Variants in PTH2R observed in about 807,000 individuals in gnomAD.
PTH2R encodes parathyroid hormone 2 receptor, also known as PTH2 receptor.
PTH2R carries 59 observed loss-of-function variants against 60.3 expected under a neutral mutation model. The ratio of observed to expected loss-of-function variants is 0.98; its 90% CI spans 0.79 to 1.22. The LOEUF is 1.22. PTH2R is among the 50% of genes most tolerant of loss of function. PTH2R has a pLI of 0.00. For synonymous variants in PTH2R, 256 were observed against 243.8 expected, an observed-to-expected ratio of 1.05 and a Z score of -0.47; for missense variants, 749 against 682.6, an observed-to-expected ratio of 1.10 and a Z score of -1.08.
chr2:208,462,409 G>C (rs1209846915), intron 9 of PTH2R, among the ~76,000 whole-genome samples: 1 of 152,178 alleles, frequency 6.6e-6, no homozygotes, highest in African/African-American at 2.4e-5. Context: ...TCCTAGGAGA[G>C]AGATTTGGCC....
intron 4 of PTH2R, among the ~76,000 whole-genome samples, chr2:208,441,325 T>C (rs767585220): frequency 1.3e-4 from 20 of 152,052 alleles, no homozygotes; most frequent in South Asian, 6.2e-4. Flanking sequence ...TCCGGTGGAG[T>C]TGGGGTGCAC....
At chr2:208,365,637 TGTA>T (rs1289631491) in intron 1 of PTH2R, among the ~76,000 whole-genome samples, 2 of 151,912 alleles carry the variant, frequency 1.3e-5, no homozygotes, top group Non-Finnish European at 2.9e-5. Flanking sequence ...TATTTTTTCT[TGTA>T]GTATTTTTGC....
At chr2:208,400,146 T>A (rs1701281320) in intron 1 of PTH2R, among the ~76,000 whole-genome samples, 1 of 152,250 alleles carries the variant, frequency 6.6e-6, no homozygotes, top group South Asian at 2.1e-4. Flanking sequence ...AAAACACTTC[T>A]GTTTATACCT....
chr2:208,474,000 C>T (rs544375904), intron 9 of PTH2R, among the ~76,000 whole-genome samples: 1 of 152,004 alleles, frequency 6.6e-6, no homozygotes, highest in African/African-American at 2.4e-5. Flanking sequence ...AACTCATATC[C>T]AAGGTCATAC....
intron 7 of PTH2R, among the ~76,000 whole-genome samples, chr2:208,446,295 A>G (rs918205061): frequency 2.5e-4 from 38 of 152,318 alleles, no homozygotes; most frequent in African/African-American, 7.0e-4. Flanking sequence ...GAATCTCAGA[A>G]AACACAAATC....
At chr2:208,441,786 C>T (rs1574876113) in intron 4 of PTH2R, among the ~76,000 whole-genome samples, 1 of 152,130 alleles carries the variant, frequency 6.6e-6, no homozygotes, top group African/African-American at 2.4e-5. Flanking sequence ...TGACATAGAA[C>T]TATAAATATG....
chr2:208,451,315 A>C (rs1366330401), intron 8 of PTH2R, among the ~76,000 whole-genome samples: 1 of 152,178 alleles, frequency 6.6e-6, no homozygotes, highest in African/African-American at 2.4e-5. Context: ...ATAGAGATGG[A>C]GAGGCAAGTA....
chr2:208,433,154 C>A (rs1702006389), intron 2 of PTH2R, among the ~76,000 whole-genome samples: 1 of 152,142 alleles, frequency 6.6e-6, no homozygotes, highest in Admixed American at 6.5e-5. Context: ...TGGTAGTAAA[C>A]TTAGGTCACA....
intron 1 of PTH2R, among the ~76,000 whole-genome samples, chr2:208,410,105 T>C (rs1312774438): frequency 6.6e-6 from 1 of 152,174 alleles, no homozygotes; most frequent in African/African-American, 2.4e-5. Flanking sequence ...GAATTCCTAC[T>C]GTTGACCTTC....
At chr2:208,416,462 C>CA (rs1320054044) in intron 1 of PTH2R, among the ~76,000 whole-genome samples, 1 of 152,214 alleles carries the variant, frequency 6.6e-6, no homozygotes, top group Non-Finnish European at 1.5e-5. Flanking sequence ...ATAGAAGCCG[C>CA]ATACTTTGAC....
intron 9 of PTH2R, among the ~76,000 whole-genome samples, chr2:208,479,868 G>A (rs1044164829): frequency 6.6e-6 from 1 of 152,168 alleles, no homozygotes; most frequent in Non-Finnish European, 1.5e-5. Context: ...AAATAAAAGT[G>A]TCTCCTCCAT....
At position 208,362,254 on chromosome 2, in the gene PTH2R, CCTAGTTCT is replaced by C. The variant is rs146527377; in HGVS notation, c.-259+2022_-259+2029del. Among the ~76,000 whole-genome samples the C allele has an allele frequency of 9.8e-3, 1,499 of 152,306 alleles. 11 individuals are homozygous for C. Among genetic ancestry groups the C allele is most frequent in the Middle Eastern group, 0.014 (4 of 294 alleles). On this transcript the variant is annotated intron_variant, in intron 1 of 12. Coordinates refer to the PTH2R transcript ENST00000617735. Reference sequence around the variant, plus strand: ...TGAATTGAATTACAGCATGAACTTTCCTAGTTCTCTAGCTTGCATATGGCATATTGTGG... The same window carrying C: ...TGAATTGAATTACAGCATGAACTTTCCTAGCTTGCATATGGCATATTGTGG...
rs771868900 is a variant in PTH2R, at chr2:208,490,654, A to G, written c.1231A>G (p.Ile411Val). 1.2e-6 allele frequency: 2 copies of G among 1,610,686 alleles called. No individual in the cohort carries two copies. Among genetic ancestry groups the G allele is most frequent in the Admixed American group, 1.7e-5 (1 of 58,830 alleles). The stretch of plus-strand genomic sequence containing the variant: ...TTGTCTGCAGGGTTTCTTTGTGTCT[A>G]TCATCTACTGCTACTGCAATGGAGA... ...FNSFQGFFVS[I>V]IYCYCNGEVQ... The change falls in exon 12 of 13, where the codon ATC (isoleucine) becomes GTC (valine). Residue 411 changes from isoleucine to valine, a missense_variant. By Grantham distance (29) the Ile-to-Val change is conservative (BLOSUM62 3). Coordinates refer to ENST00000272847, the MANE Select transcript of PTH2R (RefSeq NM_005048.4).
In PTH2R at chr2:208,406,940, G is replaced by C. The variant is rs1430282698; in HGVS notation, c.-104G>C. 9.9e-7 allele frequency: 1 copy of C among 1,005,424 alleles called. No individual in the cohort carries two copies. The highest frequency in any genetic ancestry group is 1.7e-5 in the African/African-American group (1 of 60,214). The allele number at this position is 1,005,424 out of a possible 1,614,324, so 62.3% of individuals were successfully genotyped here. A position where few individuals can be genotyped will look rare whatever the true frequency, so the allele number is the denominator to read the frequency against. On this transcript the variant is annotated 5_prime_UTR_variant, in exon 1 of 13. Coordinates refer to ENST00000272847, the MANE Select transcript of PTH2R (RefSeq NM_005048.4). ...GGCCCGACCACCCCAGCTGCGCGTC[G>C]TTACTGGCCACAAGTTTGCTCTGGG...
chr2:208,448,046 C>G (rs4675767), intron 7 of PTH2R, among the ~76,000 whole-genome samples: 151,428 of 152,312 alleles, frequency 0.99, 75,283 homozygotes, highest in Middle Eastern at 1. Context: ...TCATATAAAA[C>G]CACCTATCCT....
intron 9 of PTH2R, among the ~76,000 whole-genome samples, chr2:208,477,739 A>G (rs1467520695): frequency 6.6e-6 from 1 of 151,766 alleles, no homozygotes; most frequent in Non-Finnish European, 1.5e-5. Context: ...ATTCTAAGCC[A>G]TCTCTCTTTT....
At chr2:208,455,219 AG>A (rs1206870204) in intron 8 of PTH2R, among the ~76,000 whole-genome samples, 2 of 152,226 alleles carry the variant, frequency 1.3e-5, no homozygotes, top group Non-Finnish European at 2.9e-5. Context: ...ATGGGAGGGA[AG>A]TTGCATCAGT....
chr2:208,378,499 A>G (rs1276519866), intron 1 of PTH2R, among the ~76,000 whole-genome samples: 1 of 152,086 alleles, frequency 6.6e-6, no homozygotes, highest in Non-Finnish European at 1.5e-5. Context: ...CTTAGCCCTC[A>G]GAGTGGTGGT....
intron 1 of PTH2R, among the ~76,000 whole-genome samples, chr2:208,427,405 T>C (rs1559216564): frequency 6.6e-6 from 1 of 152,168 alleles, no homozygotes; most frequent in Non-Finnish European, 1.5e-5. Flanking sequence ...TACTTATAAC[T>C]CAGAATCCAT....
Sources: gnomAD v4.1 joint callset for allele counts (sites outside exome capture counted in the v4.1 genomes callset) on GRCh38, gnomAD v4.1.1 for gene constraint, MANE v1.5 for transcripts, NCBI Gene and HGNC (gene_info 2026-07-23, HGNC 2026-07-21) for gene names.